Variants in UBR2 observed in about 807,000 individuals in gnomAD.
UBR2 encodes ubiquitin protein ligase E3 component n-recognin 2.
A neutral mutation model predicts 247.9 loss-of-function variants in UBR2; 92 were observed. The ratio of observed to expected loss-of-function variants is 0.37; its 90% CI spans 0.31 to 0.44. The LOEUF is 0.44. UBR2 is among the 20% of genes least tolerant of loss of function. UBR2 has a pLI of 1.00. For missense variants in UBR2, 1,613 were observed against 2,112.6 expected (o/e 0.76, Z 4.64); for synonymous variants, 672 against 693.5 (o/e 0.97, Z 0.49).
At chr6:42,690,698 A>G (rs1423615441) in intron 46 of UBR2, among the ~76,000 whole-genome samples, 2 of 151,948 alleles carry the variant, frequency 1.3e-5, no homozygotes, top group Non-Finnish European at 2.9e-5. Context: ...CCCTTTTTAC[A>G]CGTTACCAAC....
At chr6:42,581,384 T>C (rs1791889784) in intron 2 of UBR2, among the ~76,000 whole-genome samples, 1 of 152,076 alleles carries the variant, frequency 6.6e-6, no homozygotes, top group Admixed American at 6.6e-5. Flanking sequence ...AGAGACCGGG[T>C]TTCGCCATGT....
At chr6:42,570,890 T>G (rs1791081422) in intron 1 of UBR2, among the ~76,000 whole-genome samples, 1 of 151,908 alleles carries the variant, frequency 6.6e-6, no homozygotes, top group Non-Finnish European at 1.5e-5. Flanking sequence ...TTTGCCATAT[T>G]GCCCAAGCTA....
At chr6:42,684,048 A>G (rs1193593770) in intron 43 of UBR2, among the ~76,000 whole-genome samples, 1 of 152,218 alleles carries the variant, frequency 6.6e-6, no homozygotes, top group Non-Finnish European at 1.5e-5. Flanking sequence ...TGAAATGTCA[A>G]TTTTTATCAG....
At chr6:42,626,099 C>A (rs796496250) in intron 11 of UBR2, among the ~76,000 whole-genome samples, 6 of 152,256 alleles carry the variant, frequency 3.9e-5, no homozygotes, top group African/African-American at 1.4e-4. Flanking sequence ...CAGGCGTGAG[C>A]CACCGTGAGC....
At chr6:42,575,474 T>C (rs1352605040) in intron 2 of UBR2, among the ~76,000 whole-genome samples, 2 of 152,234 alleles carry the variant, frequency 1.3e-5, no homozygotes, top group South Asian at 2.1e-4. Context: ...TAATGTTCTT[T>C]GTATTAATAG....
At chr6:42,640,839 C>T (rs1192710052) in intron 16 of UBR2, among the ~76,000 whole-genome samples, 3 of 152,072 alleles carry the variant, frequency 2.0e-5, no homozygotes, top group Non-Finnish European at 4.4e-5. Context: ...AAGGAATTCT[C>T]CTGCCTCAGC....
At chr6:42,683,279 G>A (rs1026885406) in intron 43 of UBR2, among the ~76,000 whole-genome samples, 168 bp downstream of exon 43, 7 of 152,172 alleles carry the variant, frequency 4.6e-5, no homozygotes, top group African/African-American at 1.7e-4. Context: ...GTCTATCAAA[G>A]TCAGAATTAT....
chr6:42,617,588 A>G (rs1794642077), intron 11 of UBR2, 81 bp downstream of exon 11: 1 of 1,245,934 alleles, frequency 8.0e-7, no homozygotes, highest in African/African-American at 1.5e-5. Context: ...AAGTCTGTAT[A>G]TTCCTGAAAA....
At chr6:42,652,195 A>AGGAGGTTATTCACT in intron 24 of UBR2, 124 bp downstream of exon 24, 1 of 953,690 alleles carries the variant, frequency 1.0e-6, no homozygotes, top group Non-Finnish European at 1.6e-6. Flanking sequence ...CCTAGTGAAT[A>AGGAGGTTATTCACT]ACCTCCTATT....
chr6:42,641,664 G>A lies in UBR2; in HGVS notation c.2003G>A (p.Arg668Lys). Residue 668 changes from arginine (R) to lysine (K), a missense_variant, in exon 17 of 47, where the codon AGA (arginine) becomes AAA (lysine). By Grantham distance (26) the Arg-to-Lys change is conservative. Around this residue, in one of 3 missense-constraint regions of UBR2, gnomAD observed 1,524 missense variants for 1,967.3 expected, o/e 0.77. Coordinates refer to ENST00000372901, the MANE Select transcript of UBR2 (RefSeq NM_001363705.2). ...LCAQVHAGMW[R>K]RNGFSLVNQI... ...GCCCAAGTACATGCCGGAATGTGGA[G>A]AAGAAATGGGTTCTCTCTAGTAAAC... is the stretch of plus-strand genomic sequence containing the variant. 1.9e-6 allele frequency: 3 copies of A among 1,609,934 alleles called. No homozygotes were observed. Among genetic ancestry groups the A allele is most frequent in the Non-Finnish European group, 2.5e-6 (3 of 1,178,544 alleles).
At chr6:42,637,240 T>C in intron 15 of UBR2, 46 bp downstream of exon 15, 1 of 1,571,706 alleles carries the variant, frequency 6.4e-7, no homozygotes, top group Non-Finnish European at 8.7e-7. Context: ...ATCTTTTAAA[T>C]TGTTGTTTGT....
rs995150098 is a variant in UBR2, at chr6:42,630,809, G to GT, written c.1282-1736dup. On this transcript the variant is annotated intron_variant, in intron 11 of 46. Transcript: ENST00000372901. ...GCATTTTTGTTTCTGCTTATTTGGG[G>GT]TTTTTTTGTTTTTTGTTTTTAAGAC... 3.3e-5 allele frequency among the ~76,000 whole-genome samples: 5 copies of GT among 151,748 alleles called. No homozygotes were observed. The South Asian group carries it at 8.3e-4, about 25-fold the overall frequency.
intron 11 of UBR2, among the ~76,000 whole-genome samples, chr6:42,631,505 T>C (rs564771053): frequency 6.6e-6 from 1 of 152,168 alleles, no homozygotes; most frequent in Non-Finnish European, 1.5e-5. Context: ...AACCGATTAC[T>C]TCCACTTTTA....
rs3763233 is a variant in UBR2 at position 42,650,240 on chromosome 6, T to C, written c.2463-44T>C. The C allele has an allele frequency of 9.2e-4, 1,342 of 1,464,506 alleles. 18 individuals are homozygous for C. In the East Asian group the frequency reaches 0.025, roughly 27 times the overall value. 90.7% of individuals were successfully genotyped at this position (1,464,506 alleles called of 1,614,324 possible). On this transcript the variant is annotated intron_variant, in intron 22 of 46. Transcript: ENST00000372901. ...TCCAAGACTATCTCTCATAAATTAGTGTATGGCTTTGGTAATAATATTCTA... is the reference window on the plus strand; with the variant it reads ...TCCAAGACTATCTCTCATAAATTAGCGTATGGCTTTGGTAATAATATTCTA...
intron 2 of UBR2, among the ~76,000 whole-genome samples, chr6:42,578,958 A>AACAAACACACACACACACACACAC (rs1415279279): frequency 2.0e-4 from 23 of 116,380 alleles, no homozygotes; most frequent in African/African-American, 8.6e-4. Context: ...CCATCTCAAA[A>AACAAACACACACACACACACACAC]ACACACACAC....
chr6:42,670,951 C>T (rs571435961), intron 36 of UBR2, among the ~76,000 whole-genome samples: 33 of 152,208 alleles, frequency 2.2e-4, no homozygotes, highest in African/African-American at 5.8e-4. Context: ...TTTGGGAGGC[C>T]GAGGCAGGAG....
rs146110224 is a variant in UBR2 at position 42,687,787 on chromosome 6, C to T, written c.4854-429C>T. 3.7e-3 allele frequency among the ~76,000 whole-genome samples: 556 copies of T among 152,244 alleles called. 1 individual carries two copies. The highest frequency in any genetic ancestry group is 5.7e-3 in the Non-Finnish European group (390 of 68,004). On this transcript the variant is annotated intron_variant, in intron 44 of 46. Transcript: ENST00000372901. ...AACTCCTGACCTCAGTTGATCCACC[C>T]ACCTTTGCCTCCCAAAGTGCTGGGA...
intron 13 of UBR2, chr6:42,634,175 CT>C: frequency 9.5e-6 from 2 of 209,686 alleles, no homozygotes; most frequent in South Asian, 5.3e-5. Flanking sequence ...TTCCATGTTT[CT>C]TTTTCTCTCC....
At chr6:42,614,245 C>T (rs1794309484) in intron 8 of UBR2, among the ~76,000 whole-genome samples, 1 of 17,462 alleles carries the variant, frequency 5.7e-5, no homozygotes, top group Non-Finnish European at 1.4e-4. Flanking sequence ...CACACACACA[C>T]GCGCGCACAT....
Sources: allele counts gnomAD v4.1 joint callset (sites outside exome capture counted in the v4.1 genomes callset), GRCh38; gene constraint gnomAD v4.1.1; regional missense constraint gnomAD v4.1.1; transcripts MANE v1.5; gene names NCBI Gene and HGNC (gene_info 2026-07-23, HGNC 2026-07-21).